PKD2L2: variants seen among roughly 807,000 people sequenced by gnomAD.
PKD2L2 encodes polycystin-2-like protein 2.
Under a neutral mutation model 83.9 loss-of-function variants are expected in PKD2L2, and 67 were observed. That is an observed-to-expected ratio of 0.80 (90% CI 0.66 to 0.98). PKD2L2 has a LOEUF of 0.98. Among genes scored for constraint, PKD2L2 ranks in the 50% least tolerant of loss-of-function variants. The pLI is 0.00. For synonymous variants in PKD2L2, 223 were observed against 237.8 expected (o/e 0.94, Z 0.57); for missense variants, 632 against 717.2 (o/e 0.88, Z 1.36).
intron 14 of PKD2L2, among the ~76,000 whole-genome samples, chr5:137,941,483 T>A (rs1261323159): frequency 3.9e-5 from 6 of 152,118 alleles, no homozygotes; most frequent in Non-Finnish European, 5.9e-5. Flanking sequence ...TGCCATACTG[T>A]ATTATAGGAG....
At chr5:137,898,910 T>C (rs1756719908) in intron 4 of PKD2L2, among the ~76,000 whole-genome samples, 1 of 152,158 alleles carries the variant, frequency 6.6e-6, no homozygotes, top group Non-Finnish European at 1.5e-5. Context: ...TGAAAAGTTA[T>C]GGATTTTTGA....
intron 8 of PKD2L2, 105 bp downstream of exon 8, chr5:137,909,051 TTTAAAC>T (rs1757593781): frequency 1.6e-6 from 1 of 638,484 alleles, no homozygotes; most frequent in Non-Finnish European, 2.6e-6. Flanking sequence ...CTTTAATATA[TTTAAAC>T]TTAGTTTGAT....
At chr5:137,909,181 C>A (rs1344493156) in intron 8 of PKD2L2, among the ~76,000 whole-genome samples, 1 of 151,936 alleles carries the variant, frequency 6.6e-6, no homozygotes, top group African/African-American at 2.4e-5. Context: ...TACAGGTGTG[C>A]ACCACCACGC....
At chr5:137,918,356 A>G (rs567879462) in intron 8 of PKD2L2, among the ~76,000 whole-genome samples, 1 of 152,150 alleles carries the variant, frequency 6.6e-6, no homozygotes, top group African/African-American at 2.4e-5. Flanking sequence ...AAAAGAGAAG[A>G]ATAAAGTGAG....
intron 8 of PKD2L2, among the ~76,000 whole-genome samples, chr5:137,911,914 C>T (rs1007881778): frequency 1.3e-5 from 2 of 152,174 alleles, no homozygotes; most frequent in Non-Finnish European, 2.9e-5. Flanking sequence ...AATATTTGTC[C>T]TTCTGTGCCT....
intron 8 of PKD2L2, among the ~76,000 whole-genome samples, chr5:137,911,148 A>AG (rs1301945094): frequency 6.6e-6 from 1 of 152,154 alleles, no homozygotes; most frequent in African/African-American, 2.4e-5. Context: ...GGCCCCTGTC[A>AG]GCCACCATTT....
At chr5:137,920,505 T>A (rs1468898299) in intron 8 of PKD2L2, among the ~76,000 whole-genome samples, 1 of 152,052 alleles carries the variant, frequency 6.6e-6, no homozygotes, top group East Asian at 1.9e-4. Context: ...ATGCTTGTAA[T>A]CCCAGCACTT....
At chr5:137,932,214 G>C (rs184626222) in intron 12 of PKD2L2, among the ~76,000 whole-genome samples, 46 of 152,120 alleles carry the variant, frequency 3.0e-4, no homozygotes, top group Non-Finnish European at 6.2e-4. Context: ...CAGGCGTGGT[G>C]GTGTGCACCT....
In PKD2L2 at chr5:137,930,394, C is replaced by T. The variant is rs189875049; in HGVS notation, c.1671+4465C>T. On this transcript the variant is annotated intron_variant, in intron 12 of 14. Transcript: ENST00000508883. ...CTCGAGTCAAAGAAGAAATACAGGC[C>T]GGGTGCAGTGGCTCATGCCTGTAAT... Among the ~76,000 whole-genome samples the T allele has an allele frequency of 4.6e-3, 706 of 152,052 alleles. 2 individuals are homozygous for T. Among genetic ancestry groups the T allele is most frequent in the African/African-American group, 0.011 (461 of 41,466 alleles).
intron 14 of PKD2L2, chr5:137,939,713 TCA>T: frequency 3.8e-6 from 1 of 266,310 alleles, no homozygotes; most frequent in Non-Finnish European, 6.2e-6. Context: ...ACTTGAAATC[TCA>T]GTTTGATTTT....
chr5:137,912,702 C>T (rs914620986), intron 8 of PKD2L2, among the ~76,000 whole-genome samples: 20 of 151,546 alleles, frequency 1.3e-4, no homozygotes, highest in South Asian at 8.3e-4. Flanking sequence ...TGATGTTGAC[C>T]ATTTTTTCAT....
At chr5:137,891,808 G>A (rs113106084) in intron 2 of PKD2L2, among the ~76,000 whole-genome samples, 10 of 151,552 alleles carry the variant, frequency 6.6e-5, no homozygotes, top group African/African-American at 2.2e-4. Context: ...CTCAGCCTCC[G>A]GAGTAGCTGG....
At chr5:137,892,844 A>T (rs760340851) in intron 3 of PKD2L2, among the ~76,000 whole-genome samples, 6 of 152,218 alleles carry the variant, frequency 3.9e-5, no homozygotes, top group Non-Finnish European at 5.9e-5. Flanking sequence ...ACGGTGGCTC[A>T]TGCCTGTAAT....
intron 6 of PKD2L2, among the ~76,000 whole-genome samples, chr5:137,906,680 T>G (rs1215890310): frequency 6.6e-6 from 1 of 152,268 alleles, no homozygotes; most frequent in Non-Finnish European, 1.5e-5. Flanking sequence ...TCCAGAAATA[T>G]TACGCTTTAA....
chr5:137,932,728 TTA>T (rs1344892835), intron 12 of PKD2L2, among the ~76,000 whole-genome samples: 1 of 152,206 alleles, frequency 6.6e-6, no homozygotes, highest in Non-Finnish European at 1.5e-5. Context: ...CAGAAGTGTT[TTA>T]GAGTTCAGAT....
chr5:137,940,270 A>G (rs150345519), intron 14 of PKD2L2: 2 of 1,613,804 alleles, frequency 1.2e-6, no homozygotes, highest in Non-Finnish European at 1.7e-6. Flanking sequence ...GAACTTCAAG[A>G]AGCCTAAGCT....
rs1467903379 is a variant in PKD2L2 at position 137,935,845 on chromosome 5, A to G, written c.1720A>G (p.Lys574Glu). The G allele has an allele frequency of 6.2e-7, 1 of 1,612,058 alleles. No homozygotes were observed. The highest frequency in any genetic ancestry group is 8.5e-7 in the Non-Finnish European group (1 of 1,178,268). The change falls in exon 13 of 15, where the codon AAA becomes GAA. Residue 574 changes from lysine to glutamate, a missense_variant. Around this residue, in one of 3 missense-constraint regions of PKD2L2, gnomAD observed 399 missense variants for 416.9 expected, o/e 0.96. Coordinates refer to ENST00000508883, the MANE Select transcript of PKD2L2 (RefSeq NM_001300921.2). ...GAAAAAATGGAAAGAGAGGCTTGAG[A>G]AAAAGTATTATTCTATGGAAATTCA... is the stretch of plus-strand genomic sequence containing the variant. ...QMKKWKERLE[K>E]KYYSMEIQDD...
intron 8 of PKD2L2, among the ~76,000 whole-genome samples, chr5:137,911,892 G>A (rs944809451): frequency 2.0e-5 from 3 of 152,118 alleles, no homozygotes; most frequent in African/African-American, 7.2e-5. Flanking sequence ...CCACATGTAA[G>A]TGAGATCATG....
At chr5:137,917,947 A>G (rs1338015157) in intron 8 of PKD2L2, among the ~76,000 whole-genome samples, 2 of 152,160 alleles carry the variant, frequency 1.3e-5, no homozygotes, top group Non-Finnish European at 2.9e-5. Flanking sequence ...TTTTGGAGCC[A>G]TTGCACTTTG....
Sources: allele counts gnomAD v4.1 joint callset (sites outside exome capture counted in the v4.1 genomes callset), GRCh38; gene constraint gnomAD v4.1.1; regional missense constraint gnomAD v4.1.1; transcripts MANE v1.5; gene names NCBI Gene and HGNC (gene_info 2026-07-23, HGNC 2026-07-21).